Variants in FOXP4 observed in about 807,000 individuals in gnomAD.
FOXP4 encodes the protein forkhead box protein P4.
In FOXP4, 25 loss-of-function variants were observed where a neutral mutation model predicts 82.6. The observed-to-expected ratio is 0.30, with a 90% CI of 0.22 to 0.42. The LOEUF is 0.42. Ranked by LOEUF, FOXP4 falls within the 10% of genes least tolerant of loss-of-function variation. The pLI, the probability that FOXP4 is intolerant of heterozygous loss-of-function variation, is 1.00. For missense variants in FOXP4, 785 were observed against 900.9 expected (o/e 0.87, Z 1.65); for synonymous variants, 415 against 388.2 (o/e 1.07, Z -0.81).
intron 3 of FOXP4, among the ~76,000 whole-genome samples, chr6:41,580,814 C>T (rs1765756335): frequency 6.6e-6 from 1 of 152,310 alleles, no homozygotes; most frequent in East Asian, 1.9e-4. Flanking sequence ...CAGCTCCTTT[C>T]CCAGGGCTCC....
chr6:41,590,374 G>A (rs1290628455), intron 12 of FOXP4, 27 bp downstream of exon 12: 15 of 1,610,406 alleles, frequency 9.3e-6, no homozygotes, highest in Non-Finnish European at 1.3e-5. Flanking sequence ...GGAGGAGGGT[G>A]GGGAATGGCA....
At position 41,587,454 on chromosome 6, in the gene FOXP4, CT is replaced by C. The variant is rs1114167294; in HGVS notation, c.815del (p.Leu272ProfsTer95). ...CGCTCCCCCCAAGGTCTCACCCCCC[CT>C]CTCCCACCATACCCTGCCCAACGGA... Reference protein sequence around the residue: ...FAAPPKVSPPLSHHTLPNGQP... With the variant: ...FAAPPKVSPPXSHHTLPNGQP... On this transcript the variant is annotated frameshift_variant, in exon 7 of 17. Transcript: ENST00000307972. LOFTEE classifies it high-confidence loss of function. 3 of 1,556,712 alleles carry C rather than the reference CT, an allele frequency of 1.9e-6. No homozygotes were observed. Among genetic ancestry groups the C allele is most frequent in the Non-Finnish European group, 2.6e-6 (3 of 1,150,996 alleles).
intron 3 of FOXP4, among the ~76,000 whole-genome samples, chr6:41,583,986 C>T (rs775746015): frequency 2.0e-5 from 3 of 152,066 alleles, no homozygotes; most frequent in Non-Finnish European, 2.9e-5. Context: ...TTGAGGAAAC[C>T]GAAACATAAG....
chr6:41,591,409 T>G lies in FOXP4; in HGVS notation c.1536+87T>G. On this transcript the variant is annotated intron_variant, in intron 13 of 16. Coordinates refer to ENST00000307972, the MANE Select transcript of FOXP4 (RefSeq NM_001012426.2). This position sits in a 1 kb window ranked among gnomAD's most constrained non-coding sequence, Gnocchi z 4.2. ...GAGACCAAGGCTGCCTAACAATTAG[T>G]TCCCTAAACCATTAGTCCTGCAGAA... 1 of 1,165,494 alleles carries G rather than the reference T, an allele frequency of 8.6e-7. No individual in the cohort carries two copies. The highest frequency in any genetic ancestry group is 1.2e-6 in the Non-Finnish European group (1 of 806,000). 72.2% of individuals were successfully genotyped at this position (1,165,494 alleles called of 1,614,324 possible). A position where few individuals can be genotyped will look rare whatever the true frequency, so the allele number is the denominator to read the frequency against.
At chr6:41,592,696 C>T (rs961349347) in intron 13 of FOXP4, among the ~76,000 whole-genome samples, 1 of 152,034 alleles carries the variant, frequency 6.6e-6, no homozygotes, top group African/African-American at 2.4e-5. Flanking sequence ...TGCTAAGCCA[C>T]CTACCTTCCT....
In FOXP4 at chr6:41,598,915, G is replaced by C; in HGVS notation, c.2022G>C (p.Leu674=). ...AAGACAGGGACCTGGAGGAGGAGCT[G>C]CCGGGAGAAGAACTGTCCTAAGGGC... ...PPEDRDLEEE[L]PGEELS Residue 674 remains leucine (L), a synonymous_variant, in exon 17 of 17, where the codon CTG becomes CTC. Transcript: ENST00000307972. 6.2e-7 allele frequency: 1 copy of C among 1,608,020 alleles called. No individual in the cohort carries two copies. Among genetic ancestry groups the C allele is most frequent in the South Asian group, 1.1e-5 (1 of 89,428 alleles).
At chr6:41,547,146 G>A (rs1307322748) in intron 1 of FOXP4, among the ~76,000 whole-genome samples, 1 of 152,002 alleles carries the variant, frequency 6.6e-6, no homozygotes, top group Non-Finnish European at 1.5e-5. Flanking sequence ...GGGAACAGGT[G>A]GGGGCTGTGG....
intron 1 of FOXP4, among the ~76,000 whole-genome samples, chr6:41,553,419 C>G (rs1764108107): frequency 6.6e-6 from 1 of 152,160 alleles, no homozygotes; most frequent in East Asian, 1.9e-4. Flanking sequence ...TTCTCCTCCC[C>G]CATTCCTTTT....
chr6:41,569,587 T>C (rs1204318144), intron 2 of FOXP4, among the ~76,000 whole-genome samples: 1 of 151,730 alleles, frequency 6.6e-6, no homozygotes, highest in Non-Finnish European at 1.5e-5. Flanking sequence ...GGGGAGGTCT[T>C]GGGGGCTGGT....
intron 5 of FOXP4, among the ~76,000 whole-genome samples, chr6:41,586,174 C>G (rs991845803): frequency 2.0e-5 from 3 of 152,156 alleles, no homozygotes; most frequent in Non-Finnish European, 4.4e-5. Context: ...TCCAGCACCC[C>G]CAGTCTCCCC....
At chr6:41,570,079 GACACACACAC>G (rs35549847) in intron 2 of FOXP4, 67 of 123,960 alleles carry the variant, frequency 5.4e-4, no homozygotes, top group African/African-American at 2.3e-3. Context: ...ACCACCCCCT[GACACACACAC>G]ACACACACAC....
In FOXP4 at chr6:41,553,859, C is replaced by T. The variant is rs561807116; in HGVS notation, c.-17+6992C>T. Among the ~76,000 whole-genome samples, 16 of 152,316 alleles carry T rather than the reference C, an allele frequency of 1.1e-4. No individual in the cohort carries two copies. The South Asian group carries it at 3.1e-3, about 30-fold the overall frequency. On this transcript the variant is annotated intron_variant, in intron 1 of 16. Coordinates refer to ENST00000307972, the MANE Select transcript of FOXP4 (RefSeq NM_001012426.2). ...GGGCAGAGGGCATAGGTGTGTGGTA[C>T]CTCCAAGCCTCCCAACAGTCAGGTC... is the stretch of plus-strand genomic sequence containing the variant.
In FOXP4 at chr6:41,589,638, G is replaced by A. The variant is rs542716331; in HGVS notation, c.1066-133G>A. 1.3e-5 allele frequency: 11 copies of A among 861,968 alleles called. No individual in the cohort carries two copies. In the South Asian group the frequency reaches 1.8e-4, roughly 14 times the overall value. 53.4% of individuals were successfully genotyped at this position (861,968 alleles called of 1,614,324 possible). A position where few individuals can be genotyped will look rare whatever the true frequency, so the allele number is the denominator to read the frequency against. ...CTGGAGCGGGTCACAGAGGGAGCAT[G>A]GATGCTGAGGCAAGGAGGCGAATGG... On this transcript the variant is annotated intron_variant, in intron 9 of 16. Transcript: ENST00000307972.
At chr6:41,560,877 G>T (rs1017714827) in intron 1 of FOXP4, among the ~76,000 whole-genome samples, 2 of 152,228 alleles carry the variant, frequency 1.3e-5, no homozygotes, top group Non-Finnish European at 2.9e-5. Context: ...AGGCACAAAA[G>T]GTTTCTCCGC....
rs972465767 is a variant in FOXP4, at chr6:41,593,781, GA to G, written c.1537-1086del. 3.3e-5 allele frequency among the ~76,000 whole-genome samples: 5 copies of G among 152,224 alleles called. No individual in the cohort carries two copies. The highest frequency in any genetic ancestry group is 3.3e-4 in the Admixed American group (5 of 15,276). On this transcript the variant is annotated intron_variant, in intron 13 of 16. Transcript: ENST00000307972. The surrounding 1 kb of genome is among the most constrained non-coding windows in gnomAD (Gnocchi z 4.1). ...TTAGAGGCAAATTAAAATTGGTAAT[GA>G]AATCGGGCCAGTTGCAAGTGGCAAG...
Position 41,599,092 on chromosome 6 carries a change from A to G in FOXP4, c.*156A>G. On this transcript the variant is annotated 3_prime_UTR_variant, in exon 17 of 17. Transcript: ENST00000307972. ...CAGCAGCTCCCAGTGTGACCTGACAAAAACACGTAGGGGCAGGGACGGTCC... is the reference window on the plus strand; with the variant it reads ...CAGCAGCTCCCAGTGTGACCTGACAGAAACACGTAGGGGCAGGGACGGTCC... The G allele has an allele frequency of 9.6e-7, 1 of 1,042,636 alleles. No individual in the cohort carries two copies. Among genetic ancestry groups the G allele is most frequent in the East Asian group, 2.7e-5 (1 of 37,582 alleles). 64.6% of individuals were successfully genotyped at this position (1,042,636 alleles called of 1,614,324 possible). A position where few individuals can be genotyped will look rare whatever the true frequency, so the allele number is the denominator to read the frequency against.
intron 2 of FOXP4, among the ~76,000 whole-genome samples, chr6:41,576,564 G>A (rs955426391): frequency 3.9e-5 from 6 of 152,168 alleles, no homozygotes; most frequent in Non-Finnish European, 7.3e-5. Context: ...ACAGGCGGGC[G>A]CATTTCGTCT....
chr6:41,594,784 C>A, intron 13 of FOXP4, 86 bp from the exon 14 acceptor site: 1 of 1,573,492 alleles, frequency 6.4e-7, no homozygotes, highest in South Asian at 1.1e-5. Flanking sequence ...GCCGCTGCTG[C>A]GTGGGACATG....
chr6:41,547,784 C>CA (rs1554168727), intron 1 of FOXP4, among the ~76,000 whole-genome samples: 1 of 149,726 alleles, frequency 6.7e-6, no homozygotes, highest in African/African-American at 2.5e-5. Context: ...AGGACCCCCC[C>CA]CCGCCCCAAC....
Sources: gnomAD v4.1 joint callset for allele counts (sites outside exome capture counted in the v4.1 genomes callset) on GRCh38, gnomAD v4.1.1 for gene constraint, Gnocchi (gnomAD v3.1) non-coding constraint, MANE v1.5 for transcripts, NCBI Gene and HGNC (gene_info 2026-07-23, HGNC 2026-07-21) for gene names.